WDR19: variants seen among roughly 807,000 people sequenced by gnomAD.
WDR19 encodes WD repeat domain 19, also known as WD repeat-containing protein 19.
WDR19 carries 121 observed loss-of-function variants against 180.0 expected under a neutral mutation model. That is an observed-to-expected ratio of 0.67 (90% CI 0.58 to 0.78). The LOEUF (loss-of-function observed/expected upper bound fraction) is 0.78. Among genes scored for constraint, WDR19 ranks in the 30% least tolerant of loss-of-function variants. WDR19 has a pLI of 0.00. For missense variants in WDR19, 1,450 were observed against 1,640.7 expected (o/e 0.88, Z 2.01); for synonymous variants, 497 against 540.7 (o/e 0.92, Z 1.12).
chr4:39,210,930 AG>A (rs898570416), intron 9 of WDR19, among the ~76,000 whole-genome samples: 12 of 152,006 alleles, frequency 7.9e-5, no homozygotes, highest in African/African-American at 2.7e-4. Context: ...TGAGCCCAAG[AG>A]TTCAAGACCA....
chr4:39,208,234 T>C lies in WDR19; in HGVS notation c.890+2498T>C, dbSNP rs974602023. ...AAATAGAAAGCAAATAATAAAGCAG[T>C]AGACTTCAATTCAAACATGTCAGCC... On this transcript the variant is annotated intron_variant, in intron 9 of 36. Coordinates refer to ENST00000399820, the MANE Select transcript of WDR19 (RefSeq NM_025132.4). 5.3e-5 allele frequency among the ~76,000 whole-genome samples: 8 copies of C among 151,100 alleles called. 1 individual carries two copies. The highest frequency in any genetic ancestry group is 4.2e-4 in the South Asian group (2 of 4,812).
Position 39,244,521 on chromosome 4 carries a change from G to GAATTTA in WDR19, c.2614_2615insAATTTA (p.Ala872delinsGluPheThr). The GAATTTA allele has an allele frequency of 6.2e-7, 1 of 1,613,996 alleles. No individual in the cohort carries two copies. Among genetic ancestry groups the GAATTTA allele is most frequent in the Non-Finnish European group, 8.5e-7 (1 of 1,179,890 alleles). The stretch of plus-strand genomic sequence containing the variant: ...TGAAAAAGGTCTCTACTACGATAAA[G>GAATTTA]CAGCATCTGTTTACATCCGCTCTAA... On this transcript the variant is annotated protein_altering_variant, in exon 23 of 37. Coordinates refer to ENST00000399820, the MANE Select transcript of WDR19 (RefSeq NM_025132.4).
intron 14 of WDR19, among the ~76,000 whole-genome samples, chr4:39,224,450 G>A (rs1286073062): frequency 6.6e-6 from 1 of 151,528 alleles, no homozygotes; most frequent in East Asian, 1.9e-4. Flanking sequence ...GTGCAATCTC[G>A]GCTCACTGCA....
intron 34 of WDR19, 116 bp from the exon 35 acceptor site, chr4:39,278,015 C>T: frequency 1.2e-6 from 1 of 849,112 alleles, no homozygotes; most frequent in East Asian, 2.7e-5. Context: ...CAATGTGCCA[C>T]TGCACTCCAG....
rs1266391176 is a variant in WDR19, at chr4:39,253,968, A to T, written c.2939A>T (p.Asn980Ile). ...AIQFLVMSKC[N>I]NEAFTLAQQH... is the part of the protein sequence containing the mutation. Reference sequence around the variant, plus strand: ...CAGTTTCTTGTCATGTCCAAATGCAACAATGAAGCTTTCACACTGGCTCAG... The same window carrying T: ...CAGTTTCTTGTCATGTCCAAATGCATCAATGAAGCTTTCACACTGGCTCAG... The change falls in exon 26 of 37, where the codon AAC (asparagine) becomes ATC (isoleucine). Residue 980 changes from asparagine (N) to isoleucine (I), a missense_variant. Asn to Ile is a moderately radical substitution (Grantham distance 149, BLOSUM62 -3). Transcript: ENST00000399820. The T allele has an allele frequency of 6.2e-7, 1 of 1,612,534 alleles. No homozygotes were observed.
chr4:39,206,979 T>C (rs1728023250), intron 9 of WDR19, among the ~76,000 whole-genome samples: 1 of 152,090 alleles, frequency 6.6e-6, no homozygotes, highest in Non-Finnish European at 1.5e-5. Flanking sequence ...CCCAAATTAC[T>C]TGACATATGA....
chr4:39,248,331 C>T lies in WDR19; in HGVS notation c.2729+2879C>T, dbSNP rs964787884. On this transcript the variant is annotated intron_variant, in intron 24 of 36. Transcript: ENST00000399820. ...AGATGTTGTCACCACCAGGCCTTCC[C>T]TACAAGAGCTCCTGAAGGAAGCACT... Among the ~76,000 whole-genome samples the T allele has an allele frequency of 7.2e-5, 11 of 152,294 alleles. No individual in the cohort carries two copies. In the East Asian group the frequency reaches 2.1e-3, roughly 29 times the overall value.
rs1437905163 is a variant in WDR19, at chr4:39,216,154, A to G, written c.1193A>G (p.Tyr398Cys). The change falls in exon 12 of 37, where the codon TAT (tyrosine) becomes TGT (cysteine). Residue 398 changes from tyrosine to cysteine, a missense_variant. Coordinates refer to ENST00000399820, the MANE Select transcript of WDR19 (RefSeq NM_025132.4). Reference sequence around the variant, plus strand: ...CCCAACTTTGTGGCAGTAGGTCTTTATCATCTGGCTGTAGGAATGAATAAT... The same window carrying G: ...CCCAACTTTGTGGCAGTAGGTCTTTGTCATCTGGCTGTAGGAATGAATAAT... ...VEPNFVAVGLYHLAVGMNNRA... is the reference protein window; with the variant it reads ...VEPNFVAVGLCHLAVGMNNRA... The G allele has an allele frequency of 1.3e-6, 2 of 1,594,852 alleles. No homozygotes were observed. The highest frequency in any genetic ancestry group is 1.3e-5 in the African/African-American group (1 of 74,834).
intron 14 of WDR19, among the ~76,000 whole-genome samples, chr4:39,219,469 A>G (rs1220434789): frequency 6.6e-6 from 1 of 152,186 alleles, no homozygotes; most frequent in East Asian, 1.9e-4. Context: ...TGATTTGTTA[A>G]TATCAGTGGT....
intron 26 of WDR19, 101 bp downstream of exon 26, chr4:39,254,131 G>A (rs1203450595): frequency 6.6e-6 from 8 of 1,215,766 alleles, no homozygotes; most frequent in African/African-American, 3.1e-5. Context: ...ACAAGAATGC[G>A]CCTGGTGTAA....
rs1394483779 is a variant in WDR19, at chr4:39,274,849, A to G, written c.3607A>G (p.Arg1203Gly). 1.2e-6 allele frequency: 2 copies of G among 1,614,018 alleles called. No homozygotes were observed. Among genetic ancestry groups the G allele is most frequent in the Non-Finnish European group, 8.5e-7 (1 of 1,179,892 alleles). The change falls in exon 33 of 37, where the codon AGG becomes GGG. Residue 1203 changes from arginine (R) to glycine (G), a missense_variant. Arg to Gly is a moderately radical substitution (Grantham distance 125). Transcript: ENST00000399820. ...GACGTCAACTGTGATTGAGTGTCAC[A>G]GGGCAGGCCTGAAGAACTCTGCTTT... ...ILTSTVIECH[R>G]AGLKNSAFSF...
intron 4 of WDR19, among the ~76,000 whole-genome samples, chr4:39,193,233 C>G (rs1278177811): frequency 6.7e-6 from 1 of 150,330 alleles, no homozygotes; most frequent in African/African-American, 2.5e-5. Flanking sequence ...GCAATCTTGG[C>G]TCACTGCAAC....
Position 39,244,260 on chromosome 4 carries a change from G to A in WDR19, c.2434G>A (p.Ala812Thr). Residue 812 changes from alanine (A) to threonine (T), a missense_variant, in exon 22 of 37, where the codon GCT becomes ACT. Coordinates refer to ENST00000399820, the MANE Select transcript of WDR19 (RefSeq NM_025132.4). ...CTTGTGATTGCAGGAACATGATGAA[G>A]CTTGTCTGGCTGGAGTGGCCCAGAT... Reference protein sequence around the residue: ...ITGDNKEHDEACLAGVAQMSI... With the variant: ...ITGDNKEHDETCLAGVAQMSI... 1 of 1,611,942 alleles carries A rather than the reference G, an allele frequency of 6.2e-7. No individual in the cohort carries two copies. Among genetic ancestry groups the A allele is most frequent in the African/African-American group, 1.3e-5 (1 of 75,002 alleles).
intron 6 of WDR19, among the ~76,000 whole-genome samples, chr4:39,201,677 A>G (rs2109289803): frequency 6.6e-6 from 1 of 152,324 alleles, no homozygotes; most frequent in Middle Eastern, 3.4e-3. Context: ...TATAAATGCT[A>G]CAGCTCCCCT....
At chr4:39,265,770 C>CA (rs11326526) in intron 28 of WDR19, among the ~76,000 whole-genome samples, 843 of 80,788 alleles carry the variant, frequency 0.01, 9 homozygotes, top group African/African-American at 0.032. Context: ...GACTCTGTCT[C>CA]AAAAAAAAAA....
chr4:39,196,453 AG>A, intron 5 of WDR19, among the ~76,000 whole-genome samples: 1 of 152,256 alleles, frequency 6.6e-6, no homozygotes, highest in East Asian at 1.9e-4. Flanking sequence ...GCCAATGTTT[AG>A]GGCCATCCTT....
chr4:39,282,284 T>G (rs188593339), intron 36 of WDR19, among the ~76,000 whole-genome samples: 12 of 152,366 alleles, frequency 7.9e-5, no homozygotes, highest in African/African-American at 2.9e-4. Context: ...TAACATTGAT[T>G]CTGTAGATCA....
chr4:39,228,960 TC>T (rs2109359740), intron 17 of WDR19, among the ~76,000 whole-genome samples: 1 of 152,274 alleles, frequency 6.6e-6, no homozygotes, highest in South Asian at 2.1e-4. Flanking sequence ...TGTCTCACCA[TC>T]CCGCCTTTTG....
At chr4:39,272,906 TA>T in intron 31 of WDR19, 73 bp from the exon 32 acceptor site, 1 of 1,271,790 alleles carries the variant, frequency 7.9e-7, no homozygotes, top group East Asian at 2.7e-5. Context: ...AGGAGTTGTT[TA>T]TTTGGGGGAA....
Sources: gnomAD v4.1 joint callset for allele counts (sites outside exome capture counted in the v4.1 genomes callset) on GRCh38, gnomAD v4.1.1 for gene constraint, MANE v1.5 for transcripts, NCBI Gene and HGNC (gene_info 2026-07-23, HGNC 2026-07-21) for gene names.